SDK2: variants seen among roughly 807,000 people sequenced by gnomAD.
SDK2 encodes sidekick cell adhesion molecule 2, also known as protein sidekick-2.
A neutral mutation model predicts 253.9 loss-of-function variants in SDK2; 105 were observed. The observed-to-expected ratio is 0.41, with a 90% CI of 0.35 to 0.49. The LOEUF (loss-of-function observed/expected upper bound fraction) is 0.49. SDK2 is among the 20% of genes least tolerant of loss of function. The pLI is 0.06. For missense variants in SDK2, 2,608 were observed against 3,003.0 expected (o/e 0.87, Z 3.07); for synonymous variants, 1,249 against 1,234.9 (o/e 1.01, Z -0.24).
chr17:73,423,886 T>C (rs769088840), intron 13 of SDK2, 30 bp downstream of exon 13: 2 of 1,519,632 alleles, frequency 1.3e-6, no homozygotes, highest in East Asian at 2.5e-5. Flanking sequence ...CTGGACCGCC[T>C]CTGCCGGGGT....
intron 1 of SDK2, among the ~76,000 whole-genome samples, chr17:73,626,801 C>A (rs911196720): frequency 6.6e-6 from 1 of 152,100 alleles, no homozygotes; most frequent in Admixed American, 6.5e-5. Context: ...CTGAGGTTGT[C>A]TGAGCCCCAG....
intron 2 of SDK2, among the ~76,000 whole-genome samples, chr17:73,485,622 T>G (rs923200306): frequency 1.3e-5 from 2 of 152,174 alleles, no homozygotes; most frequent in Non-Finnish European, 2.9e-5. Context: ...CTACAATAGG[T>G]GTACCAGGAA....
intron 1 of SDK2, among the ~76,000 whole-genome samples, chr17:73,516,443 G>A (rs1009271134): frequency 1.3e-5 from 2 of 152,204 alleles, no homozygotes; most frequent in Non-Finnish European, 2.9e-5. Flanking sequence ...GGCTCCTGGC[G>A]AGTCCCTTCC....
At chr17:73,493,361 T>C (rs1599618415) in intron 2 of SDK2, among the ~76,000 whole-genome samples, 1 of 152,198 alleles carries the variant, frequency 6.6e-6, no homozygotes, top group African/African-American at 2.4e-5. Flanking sequence ...TTCATTTGCA[T>C]GTTCTGTGCG....
At chr17:73,456,238 G>A (rs1449288131) in intron 3 of SDK2, among the ~76,000 whole-genome samples, 185 bp from the exon 4 acceptor site, 2 of 152,288 alleles carry the variant, frequency 1.3e-5, no homozygotes, top group African/African-American at 4.8e-5. Context: ...CCTGCCCTAA[G>A]CTACTGTCTC....
Position 73,455,906 on chromosome 17 carries a change from A to ATGCGGCTGCTGGGCGGGATCT in SDK2, c.458_478dup (p.Lys153_Arg159dup). On this transcript the variant is annotated inframe_insertion and splice_region_variant, in exon 4 of 45. Coordinates refer to ENST00000392650, the MANE Select transcript of SDK2 (RefSeq NM_001144952.2). The surrounding 1 kb of genome is among the most constrained non-coding windows in gnomAD (Gnocchi z 5.0). ...CGTCCCCTCAGAGCGATGCACTCACATGCGGCTGCTGGGCGGGATCTTGCG... is the reference window on the plus strand; with the variant it reads ...CGTCCCCTCAGAGCGATGCACTCACATGCGGCTGCTGGGCGGGATCTTGCGGCTGCTGGGCGGGATCTTGCG... The ATGCGGCTGCTGGGCGGGATCT allele has an allele frequency of 6.5e-7, 1 of 1,541,408 alleles. No individual in the cohort carries two copies. Among genetic ancestry groups the ATGCGGCTGCTGGGCGGGATCT allele is most frequent in the Non-Finnish European group, 8.7e-7 (1 of 1,146,018 alleles).
At chr17:73,360,262 A>G (rs2062629477) in intron 39 of SDK2, among the ~76,000 whole-genome samples, 2 of 152,244 alleles carry the variant, frequency 1.3e-5, no homozygotes, top group African/African-American at 4.8e-5. Context: ...AGTTTGCCCT[A>G]GAGCTACAGG....
At chr17:73,623,578 T>C (rs1284506625) in intron 1 of SDK2, among the ~76,000 whole-genome samples, 1 of 152,162 alleles carries the variant, frequency 6.6e-6, no homozygotes, top group South Asian at 2.1e-4. Context: ...CCGAGTTCAG[T>C]GCCTCTCTGC....
chr17:73,573,479 C>T (rs986921723), intron 1 of SDK2, among the ~76,000 whole-genome samples: 3 of 152,178 alleles, frequency 2.0e-5, no homozygotes, highest in Admixed American at 6.5e-5. Flanking sequence ...GAATGGTCAC[C>T]TCTACCCTTC....
chr17:73,399,639 T>A (rs534374910), intron 21 of SDK2, among the ~76,000 whole-genome samples: 6 of 152,170 alleles, frequency 3.9e-5, no homozygotes, highest in Non-Finnish European at 8.8e-5. Context: ...AAAACCAAGC[T>A]GTGCTGAGAA....
chr17:73,474,280 C>T (rs544718964), intron 2 of SDK2, among the ~76,000 whole-genome samples: 8 of 152,216 alleles, frequency 5.3e-5, no homozygotes, highest in Admixed American at 2.0e-4. Context: ...GACTTAATCT[C>T]CACACTAACC....
At chr17:73,354,137 G>A (rs1228926676) in intron 40 of SDK2, among the ~76,000 whole-genome samples, 1 of 151,988 alleles carries the variant, frequency 6.6e-6, no homozygotes, top group Non-Finnish European at 1.5e-5. Flanking sequence ...AACCTCCTGG[G>A]CTCAAGCGAT....
intron 1 of SDK2, among the ~76,000 whole-genome samples, chr17:73,569,889 C>T (rs1317845787): frequency 6.6e-6 from 1 of 152,132 alleles, no homozygotes. Flanking sequence ...AGCTACACGG[C>T]TGTCACCACT....
chr17:73,551,774 C>G (rs2045063221), intron 1 of SDK2, among the ~76,000 whole-genome samples: 1 of 152,124 alleles, frequency 6.6e-6, no homozygotes, highest in Non-Finnish European at 1.5e-5. Context: ...CCCTAGTTGT[C>G]CCCCTAAGGG....
At chr17:73,558,450 A>G (rs1176454097) in intron 1 of SDK2, among the ~76,000 whole-genome samples, 4 of 149,372 alleles carry the variant, frequency 2.7e-5, no homozygotes, top group Non-Finnish European at 5.9e-5. Flanking sequence ...GGGAGGGGAG[A>G]GGGAGGAAGA....
At chr17:73,640,676 T>A (rs1428290291) in intron 1 of SDK2, among the ~76,000 whole-genome samples, 1 of 152,222 alleles carries the variant, frequency 6.6e-6, no homozygotes, top group African/African-American at 2.4e-5. Flanking sequence ...CCTTGTGTAC[T>A]GTTGGCTTTT....
chr17:73,524,828 C>A (rs543475764), intron 1 of SDK2, among the ~76,000 whole-genome samples: 1 of 152,372 alleles, frequency 6.6e-6, no homozygotes, highest in African/African-American at 2.4e-5. Context: ...CACTACAATG[C>A]ATGAAGCGGT....
intron 44 of SDK2, among the ~76,000 whole-genome samples, chr17:73,339,965 G>A (rs111826063): frequency 8.6e-5 from 13 of 151,964 alleles, no homozygotes; most frequent in African/African-American, 2.9e-4. Flanking sequence ...CCACCTACCC[G>A]GTTCAAGTGA....
At chr17:73,347,962 A>G (rs942508129) in intron 44 of SDK2, among the ~76,000 whole-genome samples, 11 of 152,182 alleles carry the variant, frequency 7.2e-5, no homozygotes, top group African/African-American at 2.4e-4. Flanking sequence ...TCCTCCCCAC[A>G]GCCTCGGACA....
Sources: allele counts gnomAD v4.1 joint callset (sites outside exome capture counted in the v4.1 genomes callset), GRCh38; gene constraint gnomAD v4.1.1; non-coding constraint Gnocchi (gnomAD v3.1); transcripts MANE v1.5; gene names NCBI Gene and HGNC (gene_info 2026-07-23, HGNC 2026-07-21).